The following BTBD9 variants were observed in gnomAD, a reference collection of about 807,000 sequenced individuals.
BTBD9 encodes the protein BTB domain containing 9.
Under a neutral mutation model 64.3 loss-of-function variants are expected in BTBD9, and 49 were observed. The observed-to-expected ratio is 0.76, with a 90% confidence interval of 0.61 to 0.97. The LOEUF is 0.97. Ranked by LOEUF, BTBD9 falls within the 50% of genes least tolerant of loss-of-function variation. BTBD9 has a pLI of 0.00. For missense variants in BTBD9, 598 were observed against 762.1 expected (o/e 0.78, Z 2.53); for synonymous variants, 260 against 274.7 (o/e 0.95, Z 0.53).
At chr6:38,626,937 G>A (rs1778188016) in intron 1 of BTBD9, among the ~76,000 whole-genome samples, 1 of 152,136 alleles carries the variant, frequency 6.6e-6, no homozygotes, top group Non-Finnish European at 1.5e-5. Context: ...CACATCAAAA[G>A]AATTTAATTA....
At chr6:38,328,901 C>T (rs9349069) in intron 7 of BTBD9, among the ~76,000 whole-genome samples, 8,834 of 147,910 alleles carry the variant, frequency 0.06, 716 homozygotes, top group East Asian at 0.37. Context: ...GAGCCAAGAT[C>T]GTGCCACTGA....
intron 8 of BTBD9, among the ~76,000 whole-genome samples, chr6:38,271,583 T>G (rs1349638005): frequency 1.3e-5 from 2 of 152,102 alleles, no homozygotes; most frequent in African/African-American, 4.8e-5. Context: ...GCCATGCCCC[T>G]CAGCAGGGTC....
chr6:38,463,966 G>C (rs1227530793), intron 6 of BTBD9, among the ~76,000 whole-genome samples: 1 of 152,076 alleles, frequency 6.6e-6, no homozygotes, highest in African/African-American at 2.4e-5. Flanking sequence ...GGAGATGCAG[G>C]GGTTGCAGTG....
At chr6:38,423,986 G>T (rs1262780416) in intron 6 of BTBD9, among the ~76,000 whole-genome samples, 2 of 151,690 alleles carry the variant, frequency 1.3e-5, no homozygotes, top group Admixed American at 1.3e-4. Flanking sequence ...TTCCTTCTCC[G>T]CAAAATGAAA....
At chr6:38,328,126 A>ATATAAATAC (rs1235714010) in intron 7 of BTBD9, among the ~76,000 whole-genome samples, 1 of 152,224 alleles carries the variant, frequency 6.6e-6, no homozygotes, top group Non-Finnish European at 1.5e-5. Flanking sequence ...CATAGAAAAT[A>ATATAAATAC]TATAAATACA....
rs530516898 is a variant in BTBD9 at position 38,193,187 on chromosome 6, G to A, written c.1563-590C>T. On this transcript the variant is annotated intron_variant, in intron 9 of 10. Coordinates refer to ENST00000481247, the MANE Select transcript of BTBD9 (RefSeq NM_001099272.2). ...GGCTGTTGGCAGAATGACCTCAGTC[G>A]TTCATCAGATGCGCATCTGAGCGGG... is the stretch of plus-strand genomic sequence containing the variant. 9.8e-5 allele frequency among the ~76,000 whole-genome samples: 15 copies of A among 152,300 alleles called. No homozygotes were observed. The South Asian group carries it at 2.9e-3, about 29-fold the overall frequency.
At chr6:38,597,459 A>C (rs1777083958) in intron 2 of BTBD9, among the ~76,000 whole-genome samples, 1 of 152,212 alleles carries the variant, frequency 6.6e-6, no homozygotes, top group African/African-American at 2.4e-5. Context: ...GTAACCAACA[A>C]CAGCTGCATA....
chr6:38,188,180 G>C (rs1435176773), intron 10 of BTBD9, among the ~76,000 whole-genome samples: 1 of 152,208 alleles, frequency 6.6e-6, no homozygotes, highest in South Asian at 2.1e-4. Context: ...GCTGCCGGGG[G>C]TGTTTGGAGT....
At chr6:38,528,531 TGAGAA>T (rs1419124076) in intron 6 of BTBD9, among the ~76,000 whole-genome samples, 1 of 152,108 alleles carries the variant, frequency 6.6e-6, no homozygotes, top group African/African-American at 2.4e-5. Context: ...TACCTCTGTT[TGAGAA>T]GAGGAGAGGA....
chr6:38,485,404 T>G (rs946335893), intron 6 of BTBD9, among the ~76,000 whole-genome samples: 2 of 152,242 alleles, frequency 1.3e-5, no homozygotes, highest in Non-Finnish European at 2.9e-5. Flanking sequence ...TCTATAGCTA[T>G]AAGCTATAGC....
chr6:38,213,695 A>T (rs1344540837), intron 9 of BTBD9, among the ~76,000 whole-genome samples: 1 of 152,182 alleles, frequency 6.6e-6, no homozygotes, highest in Non-Finnish European at 1.5e-5. Context: ...AAATAAAAAA[A>T]TCATGGCTGG....
chr6:38,282,344 C>T (rs1466972495), intron 8 of BTBD9, among the ~76,000 whole-genome samples: 1 of 152,208 alleles, frequency 6.6e-6, no homozygotes, highest in East Asian at 1.9e-4. Flanking sequence ...CAAGGACAAA[C>T]TCCTTTATTT....
intron 6 of BTBD9, among the ~76,000 whole-genome samples, chr6:38,363,478 C>T (rs897203238): frequency 8.5e-5 from 13 of 152,328 alleles, no homozygotes; most frequent in South Asian, 2.1e-4. Flanking sequence ...ACTCTGGAGG[C>T]TGGGGCAGAA....
intron 9 of BTBD9, among the ~76,000 whole-genome samples, chr6:38,230,098 C>T (rs1001780146): frequency 2.3e-4 from 35 of 152,242 alleles, no homozygotes; most frequent in African/African-American, 8.2e-4. Flanking sequence ...CAAGTCATCT[C>T]TCATCTGTGT....
At chr6:38,316,809 A>C (rs963653786) in intron 7 of BTBD9, among the ~76,000 whole-genome samples, 1 of 152,068 alleles carries the variant, frequency 6.6e-6, no homozygotes, top group African/African-American at 2.4e-5. Flanking sequence ...ATGACTTCTT[A>C]TTGCTCATTA....
chr6:38,448,649 C>T (rs912741929), intron 6 of BTBD9, among the ~76,000 whole-genome samples: 2 of 152,148 alleles, frequency 1.3e-5, no homozygotes. Flanking sequence ...TCCTGAGTAG[C>T]TGGGATTACA....
chr6:38,286,332 CTTTGCTTA>C (rs1761727395), intron 8 of BTBD9, among the ~76,000 whole-genome samples: 1 of 152,142 alleles, frequency 6.6e-6, no homozygotes, highest in Non-Finnish European at 1.5e-5. Flanking sequence ...ATCAATAAAC[CTTTGCTTA>C]TTAGAATATT....
chr6:38,408,897 C>T (rs1327774500), intron 6 of BTBD9, among the ~76,000 whole-genome samples: 2 of 152,086 alleles, frequency 1.3e-5, no homozygotes, highest in Non-Finnish European at 2.9e-5. Flanking sequence ...GAAAATGATA[C>T]GAAATTCTAA....
Position 38,310,834 on chromosome 6 carries a change from G to A in BTBD9, c.1265-22373C>T, listed in dbSNP as rs180676550. 5.3e-3 allele frequency among the ~76,000 whole-genome samples: 800 copies of A among 150,466 alleles called. 11 individuals are homozygous for A. Among genetic ancestry groups the A allele is most frequent in the African/African-American group, 0.018 (738 of 41,190 alleles). On this transcript the variant is annotated intron_variant, in intron 7 of 10. Coordinates refer to ENST00000481247, the MANE Select transcript of BTBD9 (RefSeq NM_001099272.2). ...TTTGTTTTGTTTTGTTTTTTGAGAC[G>A]AAGTCTCGCTCTGTCACCCAGGCTG... is the stretch of plus-strand genomic sequence containing the variant.
Sources: gnomAD v4.1 joint callset for allele counts (sites outside exome capture counted in the v4.1 genomes callset) on GRCh38, gnomAD v4.1.1 for gene constraint, MANE v1.5 for transcripts, NCBI Gene and HGNC (gene_info 2026-07-23, HGNC 2026-07-21) for gene names.